Variants in SPECC1L observed in about 807,000 individuals in gnomAD.
SPECC1L encodes cytospin-A.
In SPECC1L, 40 loss-of-function variants were observed where a neutral mutation model predicts 116.8. That is an observed-to-expected ratio of 0.34 (90% confidence interval 0.27 to 0.45). The LOEUF (loss-of-function observed/expected upper bound fraction) is 0.45, where lower values mean the gene tolerates loss of function less well. SPECC1L is among the 20% of genes least tolerant of loss of function. SPECC1L has a pLI of 1.00. For missense variants in SPECC1L, 1,110 were observed against 1,373.6 expected (o/e 0.81, Z 3.03); for synonymous variants, 504 against 500.6 (o/e 1.01, Z -0.09).
At chr22:24,289,776 C>T (rs1266093801) in intron 2 of SPECC1L, among the ~76,000 whole-genome samples, 1 of 151,264 alleles carries the variant, frequency 6.6e-6, no homozygotes, top group African/African-American at 2.4e-5. Flanking sequence ...GCTTTCCTCT[C>T]TAACCAAAGT....
chr22:24,376,227 G>A (rs1449915133), intron 14 of SPECC1L, among the ~76,000 whole-genome samples: 1 of 152,306 alleles, frequency 6.6e-6, no homozygotes, highest in Middle Eastern at 3.4e-3. Context: ...GTCTCACTAT[G>A]TTGCCCAGTC....
chr22:24,410,830 A>T (rs542570775), intron 14 of SPECC1L, among the ~76,000 whole-genome samples: 11 of 152,138 alleles, frequency 7.2e-5, no homozygotes, highest in African/African-American at 2.7e-4. Context: ...GACTTGGAGG[A>T]TCTTTGACAT....
intron 16 of SPECC1L, among the ~76,000 whole-genome samples, chr22:24,412,994 G>A (rs1011191836): frequency 3.3e-5 from 5 of 152,194 alleles, no homozygotes; most frequent in Non-Finnish European, 5.9e-5. Flanking sequence ...TCCCTGGGAC[G>A]GCTCTTTGCA....
At chr22:24,312,546 T>TC (rs1011481337) in intron 3 of SPECC1L, among the ~76,000 whole-genome samples, 11 of 152,320 alleles carry the variant, frequency 7.2e-5, no homozygotes, top group South Asian at 6.2e-4. Flanking sequence ...TCTCTTTTTT[T>TC]CCCCCACATA....
chr22:24,335,485 C>A (rs543316042), intron 9 of SPECC1L, among the ~76,000 whole-genome samples: 1 of 152,310 alleles, frequency 6.6e-6, no homozygotes, highest in Non-Finnish European at 1.5e-5. Context: ...TTCCCACTTT[C>A]AAATGACTGA....
At chr22:24,305,556 GCTATTGGCAGACTTTTACTA>G (rs1184622506) in intron 3 of SPECC1L, among the ~76,000 whole-genome samples, 1 of 151,914 alleles carries the variant, frequency 6.6e-6, no homozygotes, top group East Asian at 1.9e-4. Context: ...CATCTCTTCT[GCTATTGGCAGACTTTTACTA>G]CTATTGGCAG....
At position 24,321,875 on chromosome 22, in the gene SPECC1L, A is replaced by G. The variant is rs146907080; in HGVS notation, c.895A>G (p.Thr299Ala). The G allele has an allele frequency of 1.7e-4, 274 of 1,614,104 alleles. No homozygotes were observed. The East Asian group carries it at 6.0e-3, about 35-fold the overall frequency. ...CTATCAGTCCCTGAGCCCAGAAATC[A>G]CCCCTGGTAACCAGAGCGATGGAGG... Reference protein sequence around the residue: ...FGYQSLSPEITPGNQSDGGGT... With the variant: ...FGYQSLSPEIAPGNQSDGGGT... Residue 299 changes from threonine (T) to alanine (A), a missense_variant, in exon 5 of 17, where the codon ACC (threonine) becomes GCC (alanine). This residue lies in a region of SPECC1L where 437 missense variants were observed against 482.6 expected (regional missense o/e 0.91). Coordinates refer to ENST00000314328, the MANE Select transcript of SPECC1L (RefSeq NM_015330.6).
chr22:24,286,863 G>A (rs979609491), intron 2 of SPECC1L, among the ~76,000 whole-genome samples: 2 of 152,238 alleles, frequency 1.3e-5, no homozygotes, highest in Admixed American at 1.3e-4. Context: ...AGCTGAGATC[G>A]CGCCACTGCA....
chr22:24,406,744 A>G (rs1305047536), intron 14 of SPECC1L, among the ~76,000 whole-genome samples: 1 of 152,122 alleles, frequency 6.6e-6, no homozygotes, highest in East Asian at 1.9e-4. Flanking sequence ...ATCCCGTCAT[A>G]ATATTAACGG....
At position 24,415,062 on chromosome 22, in the gene SPECC1L, G is replaced by C. The variant is rs1375134469; in HGVS notation, c.*439G>C. On this transcript the variant is annotated 3_prime_UTR_variant, in exon 17 of 17. Coordinates refer to ENST00000314328, the MANE Select transcript of SPECC1L (RefSeq NM_015330.6). ...TTGGCTGGGGTGGGTTCCGGTGCTG[G>C]TGAGAACCCAGAAGGAGAGTCAGCG... The C allele has an allele frequency of 4.1e-6, 1 of 241,450 alleles. No homozygotes were observed. The highest frequency in any genetic ancestry group is 5.0e-5 in the Admixed American group (1 of 20,078). 15.0% of individuals were successfully genotyped at this position (241,450 alleles called of 1,614,324 possible).
intron 13 of SPECC1L, among the ~76,000 whole-genome samples, chr22:24,367,725 A>T (rs2041798462): frequency 6.6e-6 from 1 of 152,218 alleles, no homozygotes; most frequent in African/African-American, 2.4e-5. Context: ...TCTGTTGTAA[A>T]TGTGTCCTCT....
At chr22:24,365,718 T>C in intron 13 of SPECC1L, 86 bp downstream of exon 13, 5 of 1,475,222 alleles carry the variant, frequency 3.4e-6, no homozygotes, top group Non-Finnish European at 4.7e-6. Context: ...AATGATGGCA[T>C]TTGAGCACTG....
At chr22:24,399,102 G>C (rs376718841) in intron 14 of SPECC1L, among the ~76,000 whole-genome samples, 1 of 152,176 alleles carries the variant, frequency 6.6e-6, no homozygotes, top group Admixed American at 6.5e-5. Context: ...TCTCTGCCTG[G>C]TGGCAGTTTC....
chr22:24,395,787 C>T (rs2042355997), intron 14 of SPECC1L, among the ~76,000 whole-genome samples: 1 of 152,148 alleles, frequency 6.6e-6, no homozygotes, highest in Non-Finnish European at 1.5e-5. Context: ...AACAGGCATG[C>T]ACCACCACGT....
intron 14 of SPECC1L, among the ~76,000 whole-genome samples, chr22:24,376,722 GT>G (rs1448108667): frequency 6.6e-6 from 1 of 152,016 alleles, no homozygotes; most frequent in East Asian, 1.9e-4. Flanking sequence ...AAAGTCTCAA[GT>G]TTTGTTGAAC....
intron 7 of SPECC1L, among the ~76,000 whole-genome samples, 191 bp downstream of exon 7, chr22:24,329,110 G>A (rs1240571810): frequency 6.6e-6 from 1 of 152,168 alleles, no homozygotes; most frequent in African/African-American, 2.4e-5. Flanking sequence ...GTAGAAGAAT[G>A]TACTATAGGT....
intron 2 of SPECC1L, among the ~76,000 whole-genome samples, chr22:24,289,789 GT>G (rs887858694): frequency 2.7e-5 from 4 of 150,628 alleles, no homozygotes; most frequent in African/African-American, 7.3e-5. Context: ...ACCAAAGTTT[GT>G]TTTTCCTTTC....
At position 24,330,362 on chromosome 22, in the gene SPECC1L, G is replaced by C; in HGVS notation, c.2327G>C (p.Arg776Pro). The change falls in exon 8 of 17, where the codon CGC (arginine) becomes CCC (proline). Residue 776 changes from arginine to proline, a missense_variant. By Grantham distance (103) the Arg-to-Pro change is moderately radical (BLOSUM62 -2). Transcript: ENST00000314328. ...EAQEEIGDLK[R>P]RLHEAQEKNE... is the part of the protein sequence containing the mutation. The stretch of plus-strand genomic sequence containing the variant: ...CAAGAGGAGATTGGTGATCTAAAGC[G>C]CCGGTTACATGAGGCTCAAGAAAAA... 6.2e-7 allele frequency: 1 copy of C among 1,614,108 alleles called. No homozygotes were observed. Among genetic ancestry groups the C allele is most frequent in the East Asian group, 2.2e-5 (1 of 44,882 alleles).
chr22:24,403,666 C>A (rs576892871), intron 14 of SPECC1L, among the ~76,000 whole-genome samples: 3 of 152,310 alleles, frequency 2.0e-5, no homozygotes, highest in South Asian at 2.1e-4. Context: ...CAGAGGGAAA[C>A]CCCTGGAAGA....
Sources: allele counts gnomAD v4.1 joint callset (sites outside exome capture counted in the v4.1 genomes callset), GRCh38; gene constraint gnomAD v4.1.1; regional missense constraint gnomAD v4.1.1; transcripts MANE v1.5; gene names NCBI Gene and HGNC (gene_info 2026-07-23, HGNC 2026-07-21).